Variants in KLRG1 observed in about 807,000 individuals in gnomAD.
KLRG1 encodes the protein killer cell lectin-like receptor subfamily G member 1.
A neutral mutation model predicts 21.8 loss-of-function variants in KLRG1; 16 were observed. That is an observed-to-expected ratio of 0.73 (90% CI 0.50 to 1.11). The LOEUF is 1.11. Ranked by LOEUF, KLRG1 falls within the 50% of genes most tolerant of loss-of-function variation. KLRG1 has a pLI of 0.00. For synonymous variants in KLRG1, 69 were observed against 75.9 expected (o/e 0.91, Z 0.47); for missense variants, 173 against 218.3 (o/e 0.79, Z 1.31).
At chr12:9,127,880 C>T in the KLRG1 span, 1 of 284,252 alleles carries the variant, frequency 3.5e-6, no homozygotes, top group Non-Finnish European at 7.1e-6. Flanking sequence ...GCAATTACAG[C>T]CACTACTTCA....
the KLRG1 span, chr12:9,079,311 A>G: frequency 1.2e-6 from 2 of 1,613,626 alleles, no homozygotes; most frequent in East Asian, 4.5e-5. Context: ...TAGTGTTTGT[A>G]GTTCAACTGT....
the KLRG1 span, chr12:9,115,844 C>T: frequency 6.8e-6 from 11 of 1,612,952 alleles, no homozygotes; most frequent in South Asian, 7.7e-5. Flanking sequence ...GTTTGTTCTT[C>T]CCCATGTTGC....
chr12:9,072,608 C>T, the KLRG1 span: 1 of 1,601,112 alleles, frequency 6.2e-7, no homozygotes. Flanking sequence ...GAGAGAACAG[C>T]TGCTGTCCTC....
At chr12:9,089,226 GT>G in the KLRG1 span, 3 of 1,590,096 alleles carry the variant, frequency 1.9e-6, no homozygotes, top group Non-Finnish European at 2.6e-6. Flanking sequence ...GGAGTTGAAT[GT>G]TGTTTCCTTC....
chr12:8,999,805 G>A (rs761135459), intron 3 of KLRG1, among the ~76,000 whole-genome samples: 3 of 152,272 alleles, frequency 2.0e-5, no homozygotes, highest in South Asian at 2.1e-4. Context: ...TTGGGAGGCC[G>A]AGATGGGTGA....
chr12:8,958,692 C>T (rs1217094158), intron 1 of KLRG1, among the ~76,000 whole-genome samples: 1 of 151,780 alleles, frequency 6.6e-6, no homozygotes, highest in Admixed American at 6.6e-5. Flanking sequence ...TCTGTCTCTA[C>T]AAAAAAACCT....
chr12:9,095,422 C>T, the KLRG1 span: 1 of 984,896 alleles, frequency 1.0e-6, no homozygotes, highest in Non-Finnish European at 1.5e-6. Flanking sequence ...AGCCACTTAC[C>T]TCTTTATATC....
At chr12:8,990,407 AG>A (rs1413108647) in intron 1 of KLRG1, 1 of 152,092 alleles carries the variant, frequency 6.6e-6, no homozygotes. Context: ...AACTCCCACA[AG>A]GTGTATTCTT....
chr12:9,074,773 G>A, the KLRG1 span: 3 of 1,612,076 alleles, frequency 1.9e-6, no homozygotes, highest in Non-Finnish European at 2.5e-6. Context: ...GCTCCCAATG[G>A]ACAGAGTTGT....
the KLRG1 span, among the ~76,000 whole-genome samples, chr12:9,047,064 A>G: frequency 6.6e-6 from 1 of 152,208 alleles, no homozygotes; most frequent in Admixed American, 6.5e-5. Context: ...TATGTTGCCC[A>G]GACTGTCTCA....
the KLRG1 span, chr12:9,202,299 C>A: frequency 6.2e-7 from 1 of 1,605,512 alleles, no homozygotes; most frequent in Non-Finnish European, 8.5e-7. Context: ...CAACCCAAAC[C>A]ACAGATAGTG....
chr12:9,154,728 G>A, the KLRG1 span: 1 of 1,614,028 alleles, frequency 6.2e-7, no homozygotes, highest in Admixed American at 1.7e-5. Context: ...CGTGAGATAA[G>A]CGAGGAGCAC....
At chr12:9,192,266 A>G in the KLRG1 span, 9 of 1,613,454 alleles carry the variant, frequency 5.6e-6, no homozygotes, top group Non-Finnish European at 6.8e-6. Context: ...TCTGAAATGA[A>G]AAAACAGTGA....
the KLRG1 span, among the ~76,000 whole-genome samples, chr12:9,059,256 G>T: frequency 1.3e-5 from 2 of 152,182 alleles, no homozygotes; most frequent in Non-Finnish European, 2.9e-5. Flanking sequence ...CTATGCCAAT[G>T]ATTTTGGTAC....
At chr12:9,197,648 A>AT in the KLRG1 span, among the ~76,000 whole-genome samples, 7 of 99,414 alleles carry the variant, frequency 7.0e-5, 1 homozygote, top group Admixed American at 5.8e-4. Context: ...TATATTATAT[A>AT]ATATAATATA....
chr12:9,106,121 T>TA, the KLRG1 span: 3 of 594,460 alleles, frequency 5.0e-6, no homozygotes. Context: ...TATTTTATAC[T>TA]TTTGGTTATA....
chr12:9,209,915 C>A, the KLRG1 span, among the ~76,000 whole-genome samples: 49 of 152,126 alleles, frequency 3.2e-4, no homozygotes, highest in Middle Eastern at 3.2e-3. Context: ...TAATGACCAT[C>A]TATACGACAT....
chr12:9,026,247 A>G, the KLRG1 span, among the ~76,000 whole-genome samples: 1 of 152,212 alleles, frequency 6.6e-6, no homozygotes, highest in Non-Finnish European at 1.5e-5. Flanking sequence ...AGGGACATGT[A>G]TAGGAAAAGA....
At chr12:9,003,632 C>G (rs183863133) in intron 3 of KLRG1, among the ~76,000 whole-genome samples, 32 of 151,942 alleles carry the variant, frequency 2.1e-4, no homozygotes, top group Admixed American at 1.2e-3. Context: ...CCAGCATGCA[C>G]AGTTAAGTGC....
Sources: gnomAD v4.1 joint callset for allele counts (sites outside exome capture counted in the v4.1 genomes callset) on GRCh38, gnomAD v4.1.1 for gene constraint, MANE v1.5 for transcripts, NCBI Gene and HGNC (gene_info 2026-07-23, HGNC 2026-07-21) for gene names.